DCP1A: variants seen among roughly 807,000 people sequenced by gnomAD.
The protein encoded by DCP1A is mRNA-decapping enzyme 1A.
In DCP1A, 20 loss-of-function variants were observed where a neutral mutation model predicts 58.0. The ratio of observed to expected loss-of-function variants is 0.34; its 90% CI spans 0.24 to 0.50. The LOEUF is 0.50. DCP1A is among the 20% of genes least tolerant of loss of function. DCP1A has a pLI of 0.98. For synonymous variants in DCP1A, 285 were observed against 275.1 expected (o/e 1.04, Z -0.36); for missense variants, 613 against 712.2 (o/e 0.86, Z 1.59).
intron 8 of DCP1A, among the ~76,000 whole-genome samples, chr3:53,290,153 C>G (rs1485128131): frequency 6.6e-6 from 1 of 152,054 alleles, no homozygotes; most frequent in East Asian, 1.9e-4. Flanking sequence ...AAAAAAAAAC[C>G]TGTGTGCATT....
chr3:53,320,856 T>C (rs1707944330), intron 3 of DCP1A, among the ~76,000 whole-genome samples: 1 of 152,222 alleles, frequency 6.6e-6, no homozygotes, highest in Non-Finnish European at 1.5e-5. Flanking sequence ...AGTATTATAT[T>C]ACATAAATGA....
intron 3 of DCP1A, among the ~76,000 whole-genome samples, chr3:53,339,919 C>T (rs2089177331): frequency 6.6e-6 from 1 of 152,104 alleles, no homozygotes. Flanking sequence ...CAGAATTTCT[C>T]CCACCCTCTT....
In DCP1A at chr3:53,319,084, T is replaced by G. The variant is rs114775155; in HGVS notation, c.371+323A>C. On this transcript the variant is annotated intron_variant, in intron 4 of 9. Coordinates refer to ENST00000610213, the MANE Select transcript of DCP1A (RefSeq NM_018403.7). ...GTCATAAATACTACAGAGAAAGATT[T>G]AATGCCCTGGAAAAATGCTGTTGAT... Among the ~76,000 whole-genome samples, 1,256 of 152,272 alleles carry G rather than the reference T, an allele frequency of 8.2e-3. 14 individuals are homozygous for G. The highest frequency in any genetic ancestry group is 0.029 in the African/African-American group (1,185 of 41,544).
At chr3:53,297,014 A>ATGG (rs781846384) in intron 6 of DCP1A, among the ~76,000 whole-genome samples, 24 of 152,202 alleles carry the variant, frequency 1.6e-4, no homozygotes, top group Non-Finnish European at 3.2e-4. Flanking sequence ...GCAATCCAAC[A>ATGG]TGGTTGCCAG....
At chr3:53,294,852 A>T (rs1209287814) in intron 6 of DCP1A, among the ~76,000 whole-genome samples, 2 of 152,196 alleles carry the variant, frequency 1.3e-5, no homozygotes, top group Non-Finnish European at 2.9e-5. Context: ...ATGGAAAGCG[A>T]ATTTGCCAAG....
chr3:53,344,434 G>C (rs2089266109), intron 2 of DCP1A, among the ~76,000 whole-genome samples: 1 of 152,130 alleles, frequency 6.6e-6, no homozygotes, highest in Non-Finnish European at 1.5e-5. Context: ...TCTCAAATAA[G>C]ACACTGTACA....
rs1322780703 is a variant in DCP1A at position 53,285,456 on chromosome 3, T to C, written c.*2124A>G. 1 of 152,140 alleles carries C rather than the reference T, an allele frequency of 6.6e-6. No homozygotes were observed. Among genetic ancestry groups the C allele is most frequent in the Non-Finnish European group, 1.5e-5 (1 of 68,032 alleles). The allele number at this position is 152,140 out of a possible 1,614,324, so 9.4% of individuals were successfully genotyped here. A position where few individuals can be genotyped will look rare whatever the true frequency, so the allele number is the denominator to read the frequency against. ...TTCTGGCTTCTGAATTTTAAGTAAA[T>C]ACTTTGAATATATAAATTTGGGAGG... On this transcript the variant is annotated 3_prime_UTR_variant, in exon 10 of 10. Transcript: ENST00000610213.
At chr3:53,296,731 T>C (rs916743440) in intron 6 of DCP1A, among the ~76,000 whole-genome samples, 1 of 152,244 alleles carries the variant, frequency 6.6e-6, no homozygotes, top group Non-Finnish European at 1.5e-5. Context: ...GGCCGAATAA[T>C]GTTCCAATGC....
chr3:53,292,221 G>T lies in DCP1A; in HGVS notation c.1231C>A (p.Pro411Thr), dbSNP rs782139654. The T allele has an allele frequency of 2.5e-6, 4 of 1,613,858 alleles. No homozygotes were observed. Among genetic ancestry groups the T allele is most frequent in the Non-Finnish European group, 3.4e-6 (4 of 1,179,878 alleles). Residue 411 changes from proline (P) to threonine (T), a missense_variant, in exon 7 of 10, where the codon CCA becomes ACA. Physicochemically the swap from Pro to Thr is conservative, Grantham distance 38 (BLOSUM62 -1). This residue lies in a region of DCP1A where 498 missense variants were observed against 556.7 expected (regional missense o/e 0.89). Coordinates refer to ENST00000610213, the MANE Select transcript of DCP1A (RefSeq NM_018403.7). ...TPQHDQIQTQ[P>T]LGKGAMVASF... ...GCTACCATTGCACCTTTCCCAAGTGGTTGTGTCTGTATTTGGTCATGCTGT... is the reference window on the plus strand; with the variant it reads ...GCTACCATTGCACCTTTCCCAAGTGTTTGTGTCTGTATTTGGTCATGCTGT...
intron 5 of DCP1A, among the ~76,000 whole-genome samples, chr3:53,307,881 C>A (rs1488685829): frequency 6.6e-6 from 1 of 152,132 alleles, no homozygotes; most frequent in Admixed American, 6.6e-5. Flanking sequence ...CCTAGGGTAT[C>A]ATTTATATAA....
intron 6 of DCP1A, among the ~76,000 whole-genome samples, chr3:53,297,266 G>C (rs1707158490): frequency 1.3e-5 from 2 of 151,702 alleles, no homozygotes; most frequent in South Asian, 4.2e-4. Flanking sequence ...GTTTTGAATT[G>C]GGTTAATTCC....
intron 5 of DCP1A, among the ~76,000 whole-genome samples, chr3:53,307,229 G>A (rs534185606): frequency 8.5e-5 from 13 of 152,076 alleles, no homozygotes; most frequent in African/African-American, 2.2e-4. Context: ...GATTACAGGC[G>A]TGAGCCACCA....
chr3:53,325,303 T>A (rs1012432203), intron 3 of DCP1A, among the ~76,000 whole-genome samples: 1 of 152,220 alleles, frequency 6.6e-6, no homozygotes, highest in Non-Finnish European at 1.5e-5. Flanking sequence ...TGGGAATCAC[T>A]CTCATACATA....
Position 53,284,353 on chromosome 3 carries a change from T to C in DCP1A, c.*3227A>G, listed in dbSNP as rs987739444. The C allele has an allele frequency of 6.6e-6, 1 of 151,384 alleles. No homozygotes were observed. Among genetic ancestry groups the C allele is most frequent in the African/African-American group, 2.4e-5 (1 of 41,140 alleles). 9.4% of individuals were successfully genotyped at this position (151,384 alleles called of 1,614,324 possible). A position where few individuals can be genotyped will look rare whatever the true frequency, so the allele number is the denominator to read the frequency against. ...AACTACATTCTTTGGGGGAGGAGAG[T>C]AATAAAGCTGCATGGTTTAAAAATT... On this transcript the variant is annotated 3_prime_UTR_variant, in exon 10 of 10. Coordinates refer to ENST00000610213, the MANE Select transcript of DCP1A (RefSeq NM_018403.7).
At chr3:53,304,314 A>C (rs782021300) in intron 5 of DCP1A, 24 bp from the exon 6 acceptor site, 7 of 1,563,666 alleles carry the variant, frequency 4.5e-6, no homozygotes, top group Non-Finnish European at 5.3e-6. Context: ...AAAGAAAAAA[A>C]TATATCTTGT....
intron 3 of DCP1A, among the ~76,000 whole-genome samples, chr3:53,337,646 G>A (rs2089139792): frequency 6.6e-6 from 1 of 152,206 alleles, no homozygotes; most frequent in African/African-American, 2.4e-5. Context: ...GATATATTCT[G>A]CAGCTTTTGT....
rs540544106 is a variant in DCP1A, at chr3:53,314,735, G to A, written c.372-2356C>T. 7.7e-5 allele frequency among the ~76,000 whole-genome samples: 11 copies of A among 142,730 alleles called. No individual in the cohort carries two copies. In the South Asian group the frequency reaches 1.6e-3, roughly 21 times the overall value. The allele number at this position is 142,730 out of a possible 152,430, so 93.6% of individuals were successfully genotyped here. On this transcript the variant is annotated intron_variant, in intron 4 of 9. Transcript: ENST00000610213. Reference sequence around the variant, plus strand: ...CACCCGGGCTAGAGTGCAGTGGTGCGATCTCGGCTTACTGCAACCTTCGAC... The same window carrying A: ...CACCCGGGCTAGAGTGCAGTGGTGCAATCTCGGCTTACTGCAACCTTCGAC...
In DCP1A at chr3:53,314,847, T is replaced by C. The variant is rs574690340; in HGVS notation, c.372-2468A>G. 1.5e-3 allele frequency among the ~76,000 whole-genome samples: 230 copies of C among 151,964 alleles called. 1 individual carries two copies. The highest frequency in any genetic ancestry group is 5.4e-3 in the South Asian group (26 of 4,796). On this transcript the variant is annotated intron_variant, in intron 4 of 9. Transcript: ENST00000610213. ...CTATCATGCCCGGCTAATTTTTGTA[T>C]TTTTAATAAAGACAGGGTTTCACCA...
At chr3:53,291,990 T>C in intron 7 of DCP1A, 79 bp downstream of exon 7, 1 of 1,455,376 alleles carries the variant, frequency 6.9e-7, no homozygotes, top group Non-Finnish European at 9.1e-7. Context: ...GTCATGACAG[T>C]TAAAACCAAG....
Sources: allele counts gnomAD v4.1 joint callset (sites outside exome capture counted in the v4.1 genomes callset), GRCh38; gene constraint gnomAD v4.1.1; regional missense constraint gnomAD v4.1.1; transcripts MANE v1.5; gene names NCBI Gene and HGNC (gene_info 2026-07-23, HGNC 2026-07-21).